PPP2R5C: variants seen among roughly 807,000 people sequenced by gnomAD.
PPP2R5C encodes serine/threonine-protein phosphatase 2A 56 kDa regulatory subunit gamma isoform.
A neutral mutation model predicts 68.9 loss-of-function variants in PPP2R5C; 7 were observed. The ratio of observed to expected loss-of-function variants is 0.10; its 90% confidence interval spans 0.06 to 0.19. The LOEUF is 0.19. Ranked by LOEUF, PPP2R5C falls within the 10% of genes least tolerant of loss-of-function variation. The pLI is 1.00. For missense variants in PPP2R5C, 348 were observed against 641.3 expected (o/e 0.54, Z 4.94); for synonymous variants, 210 against 222.2 (o/e 0.95, Z 0.49).
At chr14:101,861,751 A>G (rs147031184) in intron 2 of PPP2R5C, among the ~76,000 whole-genome samples, 1 of 152,190 alleles carries the variant, frequency 6.6e-6, no homozygotes, top group African/African-American at 2.4e-5. Flanking sequence ...TTTTCATGGA[A>G]CACCATTTTT....
intron 1 of PPP2R5C, among the ~76,000 whole-genome samples, chr14:101,841,545 C>G (rs2041473120): frequency 6.6e-6 from 1 of 152,256 alleles, no homozygotes; most frequent in African/African-American, 2.4e-5. Flanking sequence ...CACTTTCACT[C>G]TGTGCCTCCG....
intron 3 of PPP2R5C, among the ~76,000 whole-genome samples, chr14:101,789,423 T>C (rs2038261843): frequency 6.6e-6 from 1 of 152,188 alleles, no homozygotes; most frequent in South Asian, 2.1e-4. Flanking sequence ...GCCATGCCAG[T>C]GCATGCTGGG....
chr14:101,861,298 AGTCTCTTCT>A (rs1243956591), intron 2 of PPP2R5C, among the ~76,000 whole-genome samples: 4 of 152,348 alleles, frequency 2.6e-5, no homozygotes, highest in Admixed American at 2.6e-4. Context: ...GGAAACGTAG[AGTCTCTTCT>A]AAATCGGGAT....
In PPP2R5C at chr14:101,917,453, G is replaced by T. The variant is rs531875800; in HGVS notation, c.1327-378G>T. Among the ~76,000 whole-genome samples the T allele has an allele frequency of 6.6e-6, 1 of 152,156 alleles. No individual in the cohort carries two copies. Among genetic ancestry groups the T allele is most frequent in the African/African-American group, 2.4e-5 (1 of 41,446 alleles). ...TGGAGGTCGCTGGCAAAGAATGGGC[G>T]GCCAGAGGTGAGGGTTCCAGTGGTG... On this transcript the variant is annotated intron_variant, in intron 12 of 13. Coordinates refer to ENST00000334743, the Ensembl canonical transcript of PPP2R5C. This position sits in a 1 kb window ranked among gnomAD's most constrained non-coding sequence, Gnocchi z 4.4.
chr14:101,831,304 A>G (rs1461218029), intron 1 of PPP2R5C, among the ~76,000 whole-genome samples: 1 of 152,208 alleles, frequency 6.6e-6, no homozygotes, highest in Non-Finnish European at 1.5e-5. Flanking sequence ...CATTATGTTT[A>G]TTTTTGGCTA....
At chr14:101,898,413 G>A (rs142518341) in intron 8 of PPP2R5C, among the ~76,000 whole-genome samples, 4 of 152,174 alleles carry the variant, frequency 2.6e-5, no homozygotes, top group East Asian at 3.9e-4. Context: ...CCGAGGGCTC[G>A]GTGAATGAGC....
upstream of PPP2R5C, among the ~76,000 whole-genome samples, chr14:101,808,523 T>G (rs184008875): frequency 4.5e-4 from 69 of 152,320 alleles, no homozygotes; most frequent in Non-Finnish European, 8.4e-4. Context: ...AGCTACATTC[T>G]TGTGAGGGAG....
chr14:101,793,968 A>C (rs1286216455), intron 3 of PPP2R5C, among the ~76,000 whole-genome samples: 1 of 152,166 alleles, frequency 6.6e-6, no homozygotes, highest in African/African-American at 2.4e-5. Context: ...ATCCAACTCT[A>C]GTCTCCTATG....
At chr14:101,809,716 A>T, upstream of PPP2R5C, 1 of 875,870 alleles carries the variant, frequency 1.1e-6, no homozygotes, top group Non-Finnish European at 1.6e-6. Context: ...CCCAGCTTTT[A>T]AGGCACACTG....
chr14:101,779,037 G>C (rs2037551062), intron 2 of PPP2R5C, among the ~76,000 whole-genome samples: 1 of 152,182 alleles, frequency 6.6e-6, no homozygotes, highest in Admixed American at 6.5e-5. Context: ...TCCAGCCTGA[G>C]TGACAGACAG....
chr14:101,864,555 C>T (rs1020869601), intron 2 of PPP2R5C, among the ~76,000 whole-genome samples: 1 of 152,182 alleles, frequency 6.6e-6, no homozygotes, highest in Non-Finnish European at 1.5e-5. Context: ...GGTAAGAGCA[C>T]AGGCATAGGA....
intron 8 of PPP2R5C, among the ~76,000 whole-genome samples, chr14:101,898,088 G>A (rs2045464331): frequency 6.6e-6 from 1 of 152,114 alleles, no homozygotes; most frequent in Non-Finnish European, 1.5e-5. Context: ...TGAGCCCAGG[G>A]GGTCAAGGCT....
rs755094132 is a variant in PPP2R5C at position 101,888,752 on chromosome 14, C to T, written c.630-1485C>T. ...GATTACAGGCATGTGCCACCATGCCCGGCTAATTTTTATATATTTAGTAGA... is the reference window on the plus strand; with the variant it reads ...GATTACAGGCATGTGCCACCATGCCTGGCTAATTTTTATATATTTAGTAGA... On this transcript the variant is annotated intron_variant, in intron 5 of 13. Coordinates refer to ENST00000334743, the Ensembl canonical transcript of PPP2R5C. The surrounding 1 kb of genome is among the most constrained non-coding windows in gnomAD (Gnocchi z 5.6). Among the ~76,000 whole-genome samples, 8 of 152,242 alleles carry T rather than the reference C, an allele frequency of 5.3e-5. No homozygotes were observed. In the South Asian group the frequency reaches 6.2e-4, roughly 12 times the overall value.
intron 5 of PPP2R5C, among the ~76,000 whole-genome samples, chr14:101,886,456 G>A (rs2044520886): frequency 6.6e-6 from 1 of 151,854 alleles, no homozygotes; most frequent in African/African-American, 2.4e-5. Context: ...AGTCTTTTCT[G>A]TAATTGTGTG....
intron 6 of PPP2R5C, among the ~76,000 whole-genome samples, chr14:101,892,210 G>C (rs1371054505): frequency 2.6e-5 from 4 of 152,188 alleles, no homozygotes; most frequent in Admixed American, 1.3e-4. Context: ...ACCCACCTCA[G>C]CCTCCCAGAA....
intron 1 of PPP2R5C, among the ~76,000 whole-genome samples, chr14:101,815,759 T>A (rs975061968): frequency 1.3e-5 from 2 of 152,190 alleles, no homozygotes; most frequent in Non-Finnish European, 2.9e-5. Context: ...AACCTCTGCC[T>A]CCCAGGTTCA....
At chr14:101,792,355 ATG>A (rs2038398443) in intron 3 of PPP2R5C, among the ~76,000 whole-genome samples, 1 of 152,198 alleles carries the variant, frequency 6.6e-6, no homozygotes, top group African/African-American at 2.4e-5. Context: ...CATCCTACCA[ATG>A]TGTATTCCCT....
chr14:101,841,555 G>T (rs1009013052), intron 1 of PPP2R5C, among the ~76,000 whole-genome samples: 3 of 152,194 alleles, frequency 2.0e-5, no homozygotes, highest in African/African-American at 7.2e-5. Flanking sequence ...CTGTGCCTCC[G>T]GAGATGAGGC....
At chr14:101,910,900 C>T (rs182910036) in intron 11 of PPP2R5C, among the ~76,000 whole-genome samples, 5 of 152,186 alleles carry the variant, frequency 3.3e-5, no homozygotes, top group African/African-American at 4.8e-5. Flanking sequence ...GTCAGGAGTT[C>T]GAGACAAGCC....
Sources: allele counts gnomAD v4.1 joint callset (sites outside exome capture counted in the v4.1 genomes callset), GRCh38; gene constraint gnomAD v4.1.1; non-coding constraint Gnocchi (gnomAD v3.1); transcripts MANE v1.5; gene names NCBI Gene and HGNC (gene_info 2026-07-23, HGNC 2026-07-21).